The following LVRN variants were observed in gnomAD, a reference collection of about 807,000 sequenced individuals.
LVRN encodes laeverin, also known as aminopeptidase Q.
A neutral mutation model predicts 111.4 loss-of-function variants in LVRN; 99 were observed. That is an observed-to-expected ratio of 0.89 (90% CI 0.76 to 1.05). LVRN has a LOEUF of 1.05. Among genes scored for constraint, LVRN ranks in the 50% least tolerant of loss-of-function variants. The pLI is 0.00. For synonymous variants in LVRN, 488 were observed against 449.5 expected, an observed-to-expected ratio of 1.09 and a Z score of -1.08; for missense variants, 1,414 against 1,206.8, an observed-to-expected ratio of 1.17 and a Z score of -2.54.
Position 115,962,956 on chromosome 5 carries a change from G to T in LVRN, c.339G>T (p.Pro113=), listed in dbSNP as rs370148178. The T allele has an allele frequency of 1.7e-5, 28 of 1,613,002 alleles. No homozygotes were observed. Among genetic ancestry groups the T allele is most frequent in the Non-Finnish European group, 2.4e-5 (28 of 1,179,838 alleles). Residue 113 remains proline (P), a synonymous_variant, in exon 1 of 20, where the codon CCG becomes CCT. Transcript: ENST00000357872. The stretch of plus-strand genomic sequence containing the variant: ...TGCACTACGATCTGGAGCTGTGGCC[G>T]CAGCTGAGGCCCGACGAGCTTCCGG... The part of the protein sequence containing the change: ...VPLHYDLELW[P]QLRPDELPAG...
At chr5:116,002,782 T>G in intron 10 of LVRN, 53 bp from the exon 11 acceptor site, 2 of 1,287,986 alleles carry the variant, frequency 1.6e-6, no homozygotes, top group Non-Finnish European at 2.2e-6. Context: ...TGGCTCAGAG[T>G]GTATGTTTTT....
chr5:116,000,053 T>A (rs1371930038), intron 7 of LVRN, 151 bp downstream of exon 7: 1 of 920,152 alleles, frequency 1.1e-6, no homozygotes, highest in Middle Eastern at 3.5e-4. Context: ...GAAAACATGA[T>A]TAAATTAATT....
At position 116,003,315 on chromosome 5, in the gene LVRN, T is replaced by A; in HGVS notation, c.1972T>A (p.Tyr658Asn). 6.4e-7 allele frequency: 1 copy of A among 1,551,028 alleles called. No individual in the cohort carries two copies. Among genetic ancestry groups the A allele is most frequent in the Admixed American group, 1.9e-5 (1 of 53,048 alleles). ...TTTGAATTTGAATATGACTGGATAT[T>A]ATAGAGTTAATTATGATAAATTAGG... ...VILNLNMTGYYRVNYDKLGWK... is the reference protein window; with the variant it reads ...VILNLNMTGYNRVNYDKLGWK... Residue 658 changes from tyrosine to asparagine, a missense_variant, in exon 12 of 20, where the codon TAT becomes AAT. Tyr to Asn is a moderately radical substitution (Grantham distance 143). Coordinates refer to ENST00000357872, the MANE Select transcript of LVRN (RefSeq NM_173800.5).
chr5:115,975,366 G>A (rs1753421447), intron 1 of LVRN: 2 of 225,080 alleles, frequency 8.9e-6, no homozygotes, highest in South Asian at 6.7e-5. Flanking sequence ...CTTTCCTAAG[G>A]TCTTCTATTT....
intron 1 of LVRN, among the ~76,000 whole-genome samples, chr5:115,980,429 A>G (rs1172314903): frequency 6.6e-6 from 1 of 152,080 alleles, no homozygotes; most frequent in Admixed American, 6.6e-5. Context: ...AGGGAGGGAA[A>G]TAGTTGAATT....
chr5:116,014,315 A>G, intron 15 of LVRN, 105 bp from the exon 16 acceptor site: 1 of 775,976 alleles, frequency 1.3e-6, no homozygotes, highest in Non-Finnish European at 2.1e-6. Flanking sequence ...CATTGAAAGG[A>G]TATTTAAAAA....
intron 1 of LVRN, chr5:115,975,046 G>C (rs1753410562): frequency 6.0e-6 from 2 of 330,974 alleles, no homozygotes; most frequent in Admixed American, 7.4e-5. Context: ...CTTCCTCTGT[G>C]GTGATCATTA....
At chr5:116,000,269 A>T (rs1295164636) in intron 7 of LVRN, among the ~76,000 whole-genome samples, 164 bp from the exon 8 acceptor site, 17 of 152,248 alleles carry the variant, frequency 1.1e-4, no homozygotes, top group Non-Finnish European at 2.9e-5. Context: ...TGAATTAGTG[A>T]CAGCCTACTA....
At chr5:115,967,113 G>T (rs1753219967) in intron 1 of LVRN, among the ~76,000 whole-genome samples, 1 of 152,026 alleles carries the variant, frequency 6.6e-6, no homozygotes, top group Admixed American at 6.6e-5. Context: ...ATCTTAGTAA[G>T]GTCTTTCAGA....
chr5:115,973,568 C>T (rs536496511), intron 1 of LVRN, among the ~76,000 whole-genome samples: 1 of 152,120 alleles, frequency 6.6e-6, no homozygotes, highest in Non-Finnish European at 1.5e-5. Flanking sequence ...TTAACTATGA[C>T]TTAAATTTAT....
chr5:115,998,835 C>T (rs1436801845), intron 6 of LVRN, among the ~76,000 whole-genome samples: 3 of 152,072 alleles, frequency 2.0e-5, no homozygotes, highest in African/African-American at 4.8e-5. Context: ...TTCTCATTTC[C>T]GGAAAAGCAG....
At position 115,984,710 on chromosome 5, in the gene LVRN, G is replaced by T. The variant is rs1201894141; in HGVS notation, c.978+1G>T. On this transcript the variant is annotated splice_donor_variant, in intron 3 of 19. Coordinates refer to ENST00000357872, the MANE Select transcript of LVRN (RefSeq NM_173800.5). LOFTEE classifies it high-confidence loss of function. The stretch of plus-strand genomic sequence containing the variant: ...CAACAGAACAGAAAGGGGCAAGGAG[G>T]TGAGTGAGGAAGATTCTGTAGGTAA... 1.2e-6 allele frequency: 2 copies of T among 1,613,384 alleles called. No homozygotes were observed. The highest frequency in any genetic ancestry group is 2.2e-5 in the East Asian group (1 of 44,852).
intron 1 of LVRN, among the ~76,000 whole-genome samples, chr5:115,972,111 G>T (rs1374757523): frequency 6.6e-6 from 1 of 151,964 alleles, no homozygotes; most frequent in Non-Finnish European, 1.5e-5. Flanking sequence ...TATGAGCTTG[G>T]GATAGACAAT....
At chr5:115,992,031 T>G in intron 4 of LVRN, 92 bp from the exon 5 acceptor site, 2 of 1,228,884 alleles carry the variant, frequency 1.6e-6, no homozygotes, top group Non-Finnish European at 2.3e-6. Flanking sequence ...TTGAATTTTT[T>G]GGTAATTTTA....
intron 14 of LVRN, among the ~76,000 whole-genome samples, chr5:116,011,579 A>G (rs975154596): frequency 6.6e-6 from 1 of 152,210 alleles, no homozygotes; most frequent in African/African-American, 2.4e-5. Context: ...TAATGATTTC[A>G]AGTGAATTTC....
chr5:115,991,756 A>C (rs1478336596), intron 4 of LVRN, among the ~76,000 whole-genome samples: 1 of 152,158 alleles, frequency 6.6e-6, no homozygotes, highest in Non-Finnish European at 1.5e-5. Context: ...TCTAATGACA[A>C]TTGATGTTGA....
chr5:115,986,063 A>T (rs1418829297), intron 3 of LVRN, among the ~76,000 whole-genome samples: 2 of 152,200 alleles, frequency 1.3e-5, no homozygotes, highest in East Asian at 1.9e-4. Flanking sequence ...AATTAGTAAT[A>T]TTGTGTTGGC....
chr5:116,016,704 T>G (rs967022966), intron 18 of LVRN, among the ~76,000 whole-genome samples: 1 of 152,208 alleles, frequency 6.6e-6, no homozygotes, highest in Non-Finnish European at 1.5e-5. Flanking sequence ...TCCATACAGT[T>G]TGACTACATA....
At chr5:115,975,489 T>C (rs977866514) in intron 1 of LVRN, 4 of 168,910 alleles carry the variant, frequency 2.4e-5, no homozygotes, top group African/African-American at 7.2e-5. Flanking sequence ...AACATGCGGG[T>C]CTATTCCTTT....
Sources: gnomAD v4.1 joint callset for allele counts (sites outside exome capture counted in the v4.1 genomes callset) on GRCh38, gnomAD v4.1.1 for gene constraint, MANE v1.5 for transcripts, NCBI Gene and HGNC (gene_info 2026-07-23, HGNC 2026-07-21) for gene names.